The following OR14A2 variants were observed in gnomAD, a reference collection of about 807,000 sequenced individuals.
The protein encoded by OR14A2 is olfactory receptor family 14 subfamily A member 2.
For missense variants in OR14A2, 237 were observed against 152.9 expected, an observed-to-expected ratio of 1.55 and a Z score of -2.90; for synonymous variants, 114 against 58.6, an observed-to-expected ratio of 1.95 and a Z score of -4.32.
At chr1:247,738,748 T>A in the OR14A2 span, 1 of 780,840 alleles carries the variant, frequency 1.3e-6, no homozygotes, top group South Asian at 1.3e-5. Context: ...GTCATCATTC[T>A]CCTCATGATT....
upstream of OR14A2, among the ~76,000 whole-genome samples, chr1:247,725,426 A>G (rs1172651234): frequency 6.6e-6 from 1 of 151,996 alleles, no homozygotes; most frequent in Non-Finnish European, 1.5e-5. Flanking sequence ...GACAAAAGGG[A>G]GGAGGAAGAT....
chr1:247,740,047 T>C, the OR14A2 span, among the ~76,000 whole-genome samples: 2 of 152,218 alleles, frequency 1.3e-5, no homozygotes, highest in Non-Finnish European at 2.9e-5. Flanking sequence ...CTGTTATTCA[T>C]GTAGAAATAA....
the OR14A2 span, among the ~76,000 whole-genome samples, chr1:247,742,014 A>G: frequency 2.0e-5 from 3 of 152,168 alleles, no homozygotes; most frequent in African/African-American, 7.2e-5. Flanking sequence ...TAGTACTTCT[A>G]TTTCAGTTCA....
upstream of OR14A2, among the ~76,000 whole-genome samples, chr1:247,726,719 AG>A (rs1447408850): frequency 3.4e-5 from 5 of 146,034 alleles, no homozygotes; most frequent in African/African-American, 1.3e-4. Flanking sequence ...ATAAGGTGTA[AG>A]GAAGGGATCC....
At chr1:247,733,234 A>T in the OR14A2 span, among the ~76,000 whole-genome samples, 1 of 152,102 alleles carries the variant, frequency 6.6e-6, no homozygotes, top group Non-Finnish European at 1.5e-5. Context: ...TTTAAGGATT[A>T]ATTTCCATAA....
At chr1:247,736,986 G>A in the OR14A2 span, among the ~76,000 whole-genome samples, 1 of 152,218 alleles carries the variant, frequency 6.6e-6, no homozygotes, top group East Asian at 1.9e-4. Flanking sequence ...TAGACATAGA[G>A]GGGTCTCATC....
At chr1:247,730,639 A>T in the OR14A2 span, among the ~76,000 whole-genome samples, 1 of 151,886 alleles carries the variant, frequency 6.6e-6, no homozygotes, top group African/African-American at 2.4e-5. Flanking sequence ...TTGATAATGC[A>T]CTCCTTCTTG....
At chr1:247,724,753 C>T (rs985285832), upstream of OR14A2, among the ~76,000 whole-genome samples, 7 of 152,150 alleles carry the variant, frequency 4.6e-5, no homozygotes, top group African/African-American at 1.7e-4. Context: ...AAAGCCACAT[C>T]ATTATAAGGG....
chr1:247,733,231 A>T, the OR14A2 span, among the ~76,000 whole-genome samples: 2 of 152,264 alleles, frequency 1.3e-5, no homozygotes, highest in East Asian at 3.9e-4. Context: ...AGATTTAAGG[A>T]TTAATTTCCA....
upstream of OR14A2, among the ~76,000 whole-genome samples, chr1:247,727,002 C>A (rs1204643065): frequency 2.0e-5 from 3 of 149,736 alleles, no homozygotes; most frequent in African/African-American, 7.5e-5. Context: ...CTTAGGATTG[C>A]CTTGGCGATG....
At chr1:247,740,149 T>G in the OR14A2 span, among the ~76,000 whole-genome samples, 2 of 152,372 alleles carry the variant, frequency 1.3e-5, no homozygotes, top group South Asian at 4.1e-4. Context: ...TTCTCATACC[T>G]CAAAAAGCTT....
At chr1:247,737,839 T>C in the OR14A2 span, among the ~76,000 whole-genome samples, 1 of 152,156 alleles carries the variant, frequency 6.6e-6, no homozygotes, top group African/African-American at 2.4e-5. Flanking sequence ...ACTGCATCTC[T>C]GGTTAGATGC....
the OR14A2 span, among the ~76,000 whole-genome samples, chr1:247,742,828 A>T: frequency 3.3e-5 from 5 of 152,320 alleles, no homozygotes; most frequent in African/African-American, 1.2e-4. Flanking sequence ...TTTCAAAAAT[A>T]TGCCTTGGAA....
chr1:247,737,530 T>A, the OR14A2 span, among the ~76,000 whole-genome samples: 1 of 151,568 alleles, frequency 6.6e-6, no homozygotes, highest in Non-Finnish European at 1.5e-5. Context: ...ACTTAAAGCC[T>A]CCTCTGTTTG....
the OR14A2 span, chr1:247,738,720 G>A: frequency 1.3e-6 from 1 of 780,754 alleles, no homozygotes; most frequent in Non-Finnish European, 2.4e-6. Flanking sequence ...CTACCTCACG[G>A]CTGTGCTGAT....
At chr1:247,728,567 T>C (rs1272648541), upstream of OR14A2, among the ~76,000 whole-genome samples, 5 of 152,094 alleles carry the variant, frequency 3.3e-5, no homozygotes, top group Non-Finnish European at 7.3e-5. Context: ...TTGGAAGTTC[T>C]GGCCCGGGCA....
At chr1:247,746,310 A>AT in the OR14A2 span, 1 of 152,214 alleles carries the variant, frequency 6.6e-6, no homozygotes, top group Non-Finnish European at 1.5e-5. Flanking sequence ...CTCGAAGCCC[A>AT]CAATAGTCAT....
upstream of OR14A2, chr1:247,724,131 A>G: frequency 1.7e-6 from 1 of 595,978 alleles, no homozygotes; most frequent in South Asian, 2.3e-5. Flanking sequence ...GTCTATACAG[A>G]CTAGCAAGAG....
upstream of OR14A2, among the ~76,000 whole-genome samples, chr1:247,727,988 A>T (rs920112850): frequency 6.9e-6 from 1 of 145,388 alleles, no homozygotes; most frequent in African/African-American, 2.7e-5. Flanking sequence ...GAATTCTACC[A>T]GAGGTACAAG....
Sources: allele counts gnomAD v4.1 joint callset (sites outside exome capture counted in the v4.1 genomes callset), GRCh38; gene constraint gnomAD v4.1.1; transcripts MANE v1.5; gene names NCBI Gene and HGNC (gene_info 2026-07-23, HGNC 2026-07-21).